Variants in MTMR2 observed in about 807,000 individuals in gnomAD.
The protein encoded by MTMR2 is myotubularin related protein 2.
MTMR2 carries 55 observed loss-of-function variants against 86.9 expected under a neutral mutation model. That is an observed-to-expected ratio of 0.63 (90% CI 0.51 to 0.79). MTMR2 has a LOEUF of 0.79. Ranked by LOEUF, MTMR2 falls within the 30% of genes least tolerant of loss-of-function variation. The pLI, the probability that MTMR2 is intolerant of heterozygous loss-of-function variation, is 0.00. For synonymous variants in MTMR2, 241 were observed against 266.8 expected (o/e 0.90, Z 0.94); for missense variants, 659 against 772.3 (o/e 0.85, Z 1.74).
intron 1 of MTMR2, among the ~76,000 whole-genome samples, chr11:95,902,462 T>C (rs1565382087): frequency 6.6e-6 from 1 of 152,308 alleles, no homozygotes; most frequent in East Asian, 1.9e-4. Context: ...CATTTTAACA[T>C]GGACAGTCTT....
At chr11:95,863,815 G>A (rs564529205) in intron 3 of MTMR2, among the ~76,000 whole-genome samples, 1 of 152,190 alleles carries the variant, frequency 6.6e-6, no homozygotes, top group South Asian at 2.1e-4. Flanking sequence ...AAATTCAAGG[G>A]TTTATACCTA....
At chr11:95,922,976 C>A (rs560127920) in intron 1 of MTMR2, among the ~76,000 whole-genome samples, 1 of 152,264 alleles carries the variant, frequency 6.6e-6, no homozygotes, top group South Asian at 2.1e-4. Flanking sequence ...TGGAAAAGAA[C>A]CAGATTTCAT....
intron 8 of MTMR2, among the ~76,000 whole-genome samples, chr11:95,850,134 C>G (rs935342811): frequency 3.3e-5 from 5 of 152,058 alleles, no homozygotes; most frequent in Admixed American, 2.6e-4. Context: ...TGAAACAGGG[C>G]TAAGTAAACC....
At chr11:95,864,579 A>G (rs1864540229) in intron 3 of MTMR2, among the ~76,000 whole-genome samples, 1 of 152,188 alleles carries the variant, frequency 6.6e-6, no homozygotes. Flanking sequence ...GCACTCAATA[A>G]TAATAACTAC....
chr11:95,879,634 G>A (rs1865251209), intron 2 of MTMR2, among the ~76,000 whole-genome samples: 1 of 151,948 alleles, frequency 6.6e-6, no homozygotes, highest in South Asian at 2.1e-4. Context: ...ACCTACTATC[G>A]CCAACAAATG....
At chr11:95,840,095 T>C (rs1863478427) in intron 12 of MTMR2, 1 of 152,158 alleles carries the variant, frequency 6.6e-6, no homozygotes, top group South Asian at 2.1e-4. Context: ...TCAGATGAGA[T>C]GGGTGCATTC....
intron 5 of MTMR2, 21 bp from the exon 6 acceptor site, chr11:95,858,653 A>C (rs767978987): frequency 1.2e-4 from 176 of 1,452,380 alleles, no homozygotes; most frequent in Non-Finnish European, 1.5e-4. Flanking sequence ...TTTAGGAACC[A>C]AGTTAATAAT....
At chr11:95,868,273 T>TAAAAAAAAAAAAAAAAAAAAAAAAAA (rs555618890) in intron 2 of MTMR2, among the ~76,000 whole-genome samples, 3 of 42,220 alleles carry the variant, frequency 7.1e-5, no homozygotes, top group East Asian at 9.5e-4. Flanking sequence ...GACCCTGTGC[T>TAAAAAAAAAAAAAAAAAAAAAAAAAA]AAAAAAAAAA....
At chr11:95,885,492 G>A (rs1409635860) in intron 2 of MTMR2, among the ~76,000 whole-genome samples, 1 of 151,978 alleles carries the variant, frequency 6.6e-6, no homozygotes, top group Non-Finnish European at 1.5e-5. Flanking sequence ...ACACAATGAC[G>A]AGAGCATAGC....
In MTMR2 at chr11:95,868,273, TAAAAAAAAAA is replaced by T. The variant is rs555618890; in HGVS notation, c.187-2607_187-2598del. ...AGGCAATGGGAGTGAGACCCTGTGCTAAAAAAAAAAAAAAAAAAAAAAAAAAAAGAAAGAA... is the reference window on the plus strand; with the variant it reads ...AGGCAATGGGAGTGAGACCCTGTGCTAAAAAAAAAAAAAAAAAAGAAAGAA... On this transcript the variant is annotated intron_variant, in intron 2 of 14. Transcript: ENST00000346299. Among the ~76,000 whole-genome samples the T allele has an allele frequency of 7.1e-5, 3 of 42,220 alleles. No homozygotes were observed. The East Asian group carries it at 2.8e-3, about 40-fold the overall frequency. The allele number at this position is 42,220 out of a possible 152,430, so 27.7% of individuals were successfully genotyped here.
chr11:95,866,823 G>A (rs1031817790), intron 2 of MTMR2, among the ~76,000 whole-genome samples: 3 of 151,064 alleles, frequency 2.0e-5, no homozygotes, highest in African/African-American at 7.3e-5. Flanking sequence ...ATAGACTTGG[G>A]TTCACATCCT....
At chr11:95,862,949 A>G (rs556549258) in intron 3 of MTMR2, among the ~76,000 whole-genome samples, 10 of 152,348 alleles carry the variant, frequency 6.6e-5, no homozygotes, top group African/African-American at 2.2e-4. Flanking sequence ...TGTACTGCTG[A>G]CCAACCAATG....
At position 95,867,795 on chromosome 11, in the gene MTMR2, G is replaced by A. The variant is rs186280616; in HGVS notation, c.187-2119C>T. ...ATCCTTAATCAAACAGGAGAAAAGA[G>A]ACTAGGAAAAAAAAGGCCTAGAAAA... On this transcript the variant is annotated intron_variant, in intron 2 of 14. Transcript: ENST00000346299. Among the ~76,000 whole-genome samples the A allele has an allele frequency of 2.4e-3, 267 of 109,996 alleles. 1 individual carries two copies. Among genetic ancestry groups the A allele is most frequent in the Non-Finnish European group, 3.3e-3 (174 of 53,356 alleles). The allele number at this position is 109,996 out of a possible 152,430, so 72.2% of individuals were successfully genotyped here.
At chr11:95,852,796 G>A (rs1315968143) in intron 7 of MTMR2, among the ~76,000 whole-genome samples, 1 of 152,118 alleles carries the variant, frequency 6.6e-6, no homozygotes, top group Non-Finnish European at 1.5e-5. Context: ...CCAGCACTTT[G>A]GGAGGCAGAG....
rs1864293535 is a variant in MTMR2, at chr11:95,858,534, G to A, written c.567C>T (p.Asn189=). Residue 189 remains asparagine, a synonymous_variant, in exon 6 of 15, where the codon AAC becomes AAT. Transcript: ENST00000346299. ...CCAAAGACAGGAAACATTTTACCAG[G>A]TTATTAGAGACAGGAAATGCATATT... The part of the protein sequence containing the change: ...LMKYAFPVSN[N]LPLFAFEYKE... 1 of 1,601,414 alleles carries A rather than the reference G, an allele frequency of 6.2e-7. No homozygotes were observed. The highest frequency in any genetic ancestry group is 8.6e-7 in the Non-Finnish European group (1 of 1,168,882).
intron 10 of MTMR2, 25 bp from the exon 11 acceptor site, chr11:95,845,184 T>C (rs747853106): frequency 5.1e-6 from 8 of 1,573,448 alleles, no homozygotes; most frequent in Non-Finnish European, 7.0e-6. Flanking sequence ...TTTTAATACA[T>C]TGTTTTTAAA....
chr11:95,906,041 A>ATGGCAAAACCTTGTC (rs1414992186), intron 1 of MTMR2, among the ~76,000 whole-genome samples: 3 of 152,190 alleles, frequency 2.0e-5, no homozygotes, highest in Non-Finnish European at 4.4e-5. Flanking sequence ...CCAGGCCAAC[A>ATGGCAAAACCTTGTC]TGGCAAAACC....
chr11:95,835,083 T>C lies in MTMR2; in HGVS notation c.*207A>G, dbSNP rs185702937. The stretch of plus-strand genomic sequence containing the variant: ...TCTTTGGATACTTAAAAGATTAGTA[T>C]CATAATCATGTAATTACATATGGAG... On this transcript the variant is annotated 3_prime_UTR_variant, in exon 15 of 15. Transcript: ENST00000346299. 2.0e-3 allele frequency: 1,140 copies of C among 577,594 alleles called. 2 individuals are homozygous for C. The highest frequency in any genetic ancestry group is 2.1e-3 in the Non-Finnish European group (689 of 323,718). 35.8% of individuals were successfully genotyped at this position (577,594 alleles called of 1,614,324 possible). A position where few individuals can be genotyped will look rare whatever the true frequency, so the allele number is the denominator to read the frequency against.
At position 95,877,331 on chromosome 11, in the gene MTMR2, C is replaced by CTTTTTTTTTTTTTTTTTTTTTTTTTTTTT. The variant is rs1565368414; in HGVS notation, c.186+10824_186+10825insAAAAAAAAAAAAAAAAAAAAAAAAAAAAA. On this transcript the variant is annotated intron_variant, in intron 2 of 14. Transcript: ENST00000346299. ...CATTCAAGATCAAGCACAGGGAAGC[C>CTTTTTTTTTTTTTTTTTTTTTTTTTTTTT]CTTTTTTTTTTTTTTTTTTTTTTTT... is the stretch of plus-strand genomic sequence containing the variant. 5.3e-5 allele frequency among the ~76,000 whole-genome samples: 5 copies of CTTTTTTTTTTTTTTTTTTTTTTTTTTTTT among 94,740 alleles called. 2 individuals are homozygous for CTTTTTTTTTTTTTTTTTTTTTTTTTTTTT. The highest frequency in any genetic ancestry group is 2.5e-4 in the African/African-American group (5 of 20,150). The allele number at this position is 94,740 out of a possible 152,430, so 62.2% of individuals were successfully genotyped here.
Sources: allele counts gnomAD v4.1 joint callset (sites outside exome capture counted in the v4.1 genomes callset), GRCh38; gene constraint gnomAD v4.1.1; transcripts MANE v1.5; gene names NCBI Gene and HGNC (gene_info 2026-07-23, HGNC 2026-07-21).